LOC128092253: variants seen among roughly 807,000 people sequenced by gnomAD.
the LOC128092253 span, among the ~76,000 whole-genome samples, chr6:133,961,078 A>G: frequency 6.6e-6 from 1 of 152,178 alleles, no homozygotes; most frequent in Non-Finnish European, 1.5e-5. Flanking sequence ...AAGTGAAGTA[A>G]GGGAAGAGTT....
chr6:133,976,837 A>T, the LOC128092253 span, among the ~76,000 whole-genome samples: 1,280 of 152,122 alleles, frequency 8.4e-3, 37 homozygotes, highest in Admixed American at 0.062. Flanking sequence ...AAATACAAAA[A>T]TTAGCTGAGC....
chr6:133,965,615 T>A, the LOC128092253 span, among the ~76,000 whole-genome samples: 1 of 152,098 alleles, frequency 6.6e-6, no homozygotes, highest in African/African-American at 2.4e-5. Flanking sequence ...TTGTGGGTTT[T>A]TTTTTTTAAT....
At chr6:133,966,555 C>G in the LOC128092253 span, among the ~76,000 whole-genome samples, 1 of 152,198 alleles carries the variant, frequency 6.6e-6, no homozygotes, top group East Asian at 1.9e-4. Context: ...TGATTAACTG[C>G]TCCGTATCTC....
At chr6:133,979,071 C>T in the LOC128092253 span, among the ~76,000 whole-genome samples, 1 of 152,092 alleles carries the variant, frequency 6.6e-6, no homozygotes, top group Non-Finnish European at 1.5e-5. Context: ...ATAGGAGTCT[C>T]GGCAAATACA....
chr6:133,971,135 C>T, the LOC128092253 span, among the ~76,000 whole-genome samples: 2 of 151,674 alleles, frequency 1.3e-5, no homozygotes, highest in African/African-American at 2.4e-5. Context: ...CTTTCTGCTT[C>T]GATGATAACA....
the LOC128092253 span, among the ~76,000 whole-genome samples, chr6:133,956,196 G>T: frequency 1.3e-5 from 2 of 152,148 alleles, no homozygotes; most frequent in Non-Finnish European, 2.9e-5. Context: ...ATTTTTAGAA[G>T]AATTTATAGT....
the LOC128092253 span, among the ~76,000 whole-genome samples, chr6:133,973,783 G>C: frequency 6.6e-6 from 1 of 152,222 alleles, no homozygotes; most frequent in African/African-American, 2.4e-5. Flanking sequence ...TTTGAAGTTT[G>C]CTTTTTTTAT....
chr6:133,958,469 G>A, the LOC128092253 span, among the ~76,000 whole-genome samples: 30 of 152,120 alleles, frequency 2.0e-4, no homozygotes, highest in Non-Finnish European at 2.6e-4. Context: ...GAATGACTTC[G>A]TAGGATAGCA....
At chr6:133,965,531 C>T in the LOC128092253 span, among the ~76,000 whole-genome samples, 1 of 152,006 alleles carries the variant, frequency 6.6e-6, no homozygotes, top group South Asian at 2.1e-4. Context: ...CCACTCCCCT[C>T]AGCACCACCA....
the LOC128092253 span, among the ~76,000 whole-genome samples, chr6:133,961,729 G>T: frequency 1.9e-4 from 29 of 152,080 alleles, no homozygotes; most frequent in Non-Finnish European, 3.2e-4. Context: ...CTCCCAAAGT[G>T]CTGGGATTAC....
the LOC128092253 span, among the ~76,000 whole-genome samples, chr6:133,967,022 C>T: frequency 6.6e-6 from 1 of 152,174 alleles, no homozygotes; most frequent in Non-Finnish European, 1.5e-5. Flanking sequence ...GCATAGAAGG[C>T]ATGATTTGAC....
At chr6:133,973,304 G>C in the LOC128092253 span, among the ~76,000 whole-genome samples, 1 of 152,304 alleles carries the variant, frequency 6.6e-6, no homozygotes, top group East Asian at 1.9e-4. Flanking sequence ...CCATTTCTTA[G>C]ATCATAGATG....
At chr6:133,979,935 C>G in the LOC128092253 span, 1 of 591,002 alleles carries the variant, frequency 1.7e-6, no homozygotes, top group Non-Finnish European at 2.5e-6. Context: ...ACATGAGCCA[C>G]TGTGCCCGGC....
At chr6:133,967,849 A>G in the LOC128092253 span, among the ~76,000 whole-genome samples, 1 of 152,140 alleles carries the variant, frequency 6.6e-6, no homozygotes, top group Non-Finnish European at 1.5e-5. Flanking sequence ...GTTGTCCAAG[A>G]TTTTTATAAA....
chr6:133,971,098 TCTC>T, the LOC128092253 span, among the ~76,000 whole-genome samples: 3 of 152,194 alleles, frequency 2.0e-5, no homozygotes, highest in South Asian at 4.2e-4. Context: ...CTCATCCTCT[TCTC>T]CTCAGTCTCT....
At chr6:133,966,152 T>A in the LOC128092253 span, among the ~76,000 whole-genome samples, 1 of 152,126 alleles carries the variant, frequency 6.6e-6, no homozygotes, top group Admixed American at 6.5e-5. Context: ...CATTGCTTTT[T>A]AATAACCTCA....
the LOC128092253 span, among the ~76,000 whole-genome samples, chr6:133,955,971 C>T: frequency 6.6e-6 from 1 of 152,068 alleles, no homozygotes; most frequent in African/African-American, 2.4e-5. Flanking sequence ...ATTTATGAAA[C>T]ATATAGCTGA....
the LOC128092253 span, among the ~76,000 whole-genome samples, chr6:133,966,101 T>C: frequency 1.3e-5 from 2 of 152,116 alleles, no homozygotes; most frequent in African/African-American, 4.8e-5. Flanking sequence ...AGAGAGAGTG[T>C]GTGTGCATGT....
chr6:133,976,156 T>C, the LOC128092253 span, among the ~76,000 whole-genome samples: 1 of 152,228 alleles, frequency 6.6e-6, no homozygotes, highest in East Asian at 1.9e-4. Flanking sequence ...TCTTTTGCAT[T>C]CAGTGAAAAT....
Sources: gnomAD v4.1 joint callset for allele counts (sites outside exome capture counted in the v4.1 genomes callset) on GRCh38, gnomAD v4.1.1 for gene constraint, MANE v1.5 for transcripts.